The following MAST2 variants were observed in gnomAD, a reference collection of about 807,000 sequenced individuals.
MAST2 encodes the protein microtubule-associated serine/threonine-protein kinase 2.
A neutral mutation model predicts 147.4 loss-of-function variants in MAST2; 70 were observed. That is an observed-to-expected ratio of 0.47 (90% CI 0.39 to 0.58). The LOEUF (loss-of-function observed/expected upper bound fraction) is 0.58. Among genes scored for constraint, MAST2 ranks in the 20% least tolerant of loss-of-function variants. The probability of loss-of-function intolerance (pLI) is 0.00; values close to 1 mark genes in which losing one functional copy is unlikely to be tolerated. For missense variants in MAST2, 2,080 were observed against 2,302.3 expected, an observed-to-expected ratio of 0.90 and a Z score of 1.98; for synonymous variants, 869 against 896.8, an observed-to-expected ratio of 0.97 and a Z score of 0.55.
chr1:45,987,776 G>GTTTTTTTT (rs1644692974), intron 5 of MAST2, among the ~76,000 whole-genome samples: 9 of 30,692 alleles, frequency 2.9e-4, no homozygotes, highest in South Asian at 1.3e-3. Flanking sequence ...TTTTTTTTTT[G>GTTTTTTTT]ATTTTTTTTT....
At chr1:45,868,677 T>A (rs868392380) in intron 3 of MAST2, among the ~76,000 whole-genome samples, 1 of 152,170 alleles carries the variant, frequency 6.6e-6, no homozygotes. Context: ...GCCTTGGGAC[T>A]TTTTTTATTT....
intron 7 of MAST2, 35 bp downstream of exon 7, chr1:46,002,918 C>A: frequency 6.3e-7 from 1 of 1,574,810 alleles, no homozygotes; most frequent in Non-Finnish European, 8.7e-7. Context: ...ACTTCCTTCA[C>A]CCTAAGGAAG....
At chr1:45,918,796 T>C (rs1333040268) in intron 4 of MAST2, among the ~76,000 whole-genome samples, 2 of 152,064 alleles carry the variant, frequency 1.3e-5, no homozygotes, top group Non-Finnish European at 2.9e-5. Context: ...TAAATAAGAA[T>C]GACATGATCT....
chr1:45,818,826 A>G (rs1281887904), intron 1 of MAST2, among the ~76,000 whole-genome samples: 1 of 152,222 alleles, frequency 6.6e-6, no homozygotes, highest in African/African-American at 2.4e-5. Flanking sequence ...TTATTCAAAA[A>G]TTGCTCATAT....
At chr1:46,025,274 A>C (rs936979222) in intron 15 of MAST2, among the ~76,000 whole-genome samples, 2 of 152,158 alleles carry the variant, frequency 1.3e-5, no homozygotes, top group Non-Finnish European at 2.9e-5. Flanking sequence ...AGCTGATATC[A>C]CACCACTGCA....
At position 45,803,775 on chromosome 1, in the gene MAST2, T is replaced by A; in HGVS notation, c.-121T>A. 2.8e-6 allele frequency: 1 copy of A among 352,860 alleles called. No individual in the cohort carries two copies. The highest frequency in any genetic ancestry group is 5.1e-6 in the Non-Finnish European group (1 of 197,730). The allele number at this position is 352,860 out of a possible 1,614,324, so 21.9% of individuals were successfully genotyped here. On this transcript the variant is annotated 5_prime_UTR_variant, in exon 1 of 29. Coordinates refer to ENST00000361297, the MANE Select transcript of MAST2 (RefSeq NM_015112.3). ...GGCGCCGCGGGCTGGGGTCGGTGGC[T>A]TAGGGAGCCCGTCCGGCCATGGTGG...
intron 4 of MAST2, among the ~76,000 whole-genome samples, chr1:45,936,110 C>T (rs950617902): frequency 6.6e-6 from 1 of 152,094 alleles, no homozygotes; most frequent in East Asian, 1.9e-4. Context: ...GATCTTTCAC[C>T]TCCCTCTTTA....
At chr1:46,003,804 C>T (rs1645370696) in intron 7 of MAST2, among the ~76,000 whole-genome samples, 1 of 152,096 alleles carries the variant, frequency 6.6e-6, no homozygotes, top group Admixed American at 6.6e-5. Context: ...ACAAGGTTGG[C>T]CAACTTTTTC....
intron 3 of MAST2, among the ~76,000 whole-genome samples, chr1:45,841,379 T>TAGTAGCTG (rs1408634309): frequency 5.3e-5 from 8 of 152,012 alleles, no homozygotes; most frequent in Admixed American, 4.6e-4. Context: ...AAATAGTTAT[T>TAGTAGCTG]AGTAGCTGTG....
In MAST2 at chr1:46,028,728, G is replaced by T. The variant is rs371362863; in HGVS notation, c.2053-40G>T. On this transcript the variant is annotated intron_variant, in intron 17 of 28. Transcript: ENST00000361297. ...TCTCCGGCTGTCATGCCAGTCAGCA[G>T]CCTCAGGAGGCTGAGCCAGCCTGGC... is the stretch of plus-strand genomic sequence containing the variant. The T allele has an allele frequency of 3.7e-6, 6 of 1,611,702 alleles. No individual in the cohort carries two copies. The African/African-American group carries it at 6.7e-5, about 18-fold the overall frequency.
At chr1:45,817,797 C>G (rs958334092) in intron 1 of MAST2, among the ~76,000 whole-genome samples, 1 of 152,168 alleles carries the variant, frequency 6.6e-6, no homozygotes, top group Non-Finnish European at 1.5e-5. Context: ...TAGGTTGTTG[C>G]AAAAGTAATT....
intron 7 of MAST2, among the ~76,000 whole-genome samples, chr1:46,005,327 A>C (rs1571171700): frequency 1.3e-5 from 2 of 150,936 alleles, no homozygotes. Flanking sequence ...GTGCCATTGC[A>C]CTCCAGCCTG....
At position 46,006,884 on chromosome 1, in the gene MAST2, A is replaced by G. The variant is rs1483542676; in HGVS notation, c.902+489A>G. 1.3e-5 allele frequency among the ~76,000 whole-genome samples: 2 copies of G among 152,234 alleles called. 1 individual carries two copies. Among genetic ancestry groups the G allele is most frequent in the Non-Finnish European group, 2.9e-5 (2 of 68,034 alleles). Reference sequence around the variant, plus strand: ...AATTCTGATGGTTATCTGGCTCCAGAACCCATTGGCCCTGGGTGTATGATC... The same window carrying G: ...AATTCTGATGGTTATCTGGCTCCAGGACCCATTGGCCCTGGGTGTATGATC... On this transcript the variant is annotated intron_variant, in intron 8 of 28. Coordinates refer to ENST00000361297, the MANE Select transcript of MAST2 (RefSeq NM_015112.3).
At chr1:46,018,414 G>A (rs764863309) in intron 10 of MAST2, among the ~76,000 whole-genome samples, 7 of 152,072 alleles carry the variant, frequency 4.6e-5, no homozygotes, top group African/African-American at 1.2e-4. Flanking sequence ...TTGGTTGCAC[G>A]TAATAGAAAC....
At chr1:45,846,790 A>G (rs1156940586) in intron 3 of MAST2, among the ~76,000 whole-genome samples, 1 of 151,448 alleles carries the variant, frequency 6.6e-6, no homozygotes, top group Admixed American at 6.6e-5. Flanking sequence ...ATGCCACTGC[A>G]CTCCAGCCCA....
intron 10 of MAST2, among the ~76,000 whole-genome samples, chr1:46,017,624 TCTCAC>T (rs1646010705): frequency 6.6e-6 from 1 of 151,846 alleles, no homozygotes; most frequent in Non-Finnish European, 1.5e-5. Context: ...TGAGATACCA[TCTCAC>T]ACCAGTTAGA....
chr1:45,952,767 G>A (rs1659113606), intron 4 of MAST2, among the ~76,000 whole-genome samples: 1 of 152,072 alleles, frequency 6.6e-6, no homozygotes, highest in Non-Finnish European at 1.5e-5. Flanking sequence ...ACCAAAAAAA[G>A]CCATTTTCAG....
chr1:45,853,728 A>G (rs758154064), intron 3 of MAST2, among the ~76,000 whole-genome samples: 7 of 151,122 alleles, frequency 4.6e-5, no homozygotes, highest in Non-Finnish European at 7.4e-5. Context: ...TTTTTTTTTC[A>G]ATCAGCTTTC....
intron 5 of MAST2, among the ~76,000 whole-genome samples, chr1:45,996,427 G>A (rs1029323859): frequency 1.3e-5 from 2 of 152,046 alleles, no homozygotes; most frequent in Non-Finnish European, 2.9e-5. Context: ...TTAAGTCCTG[G>A]CTAAGGAAAC....
Sources: allele counts gnomAD v4.1 joint callset (sites outside exome capture counted in the v4.1 genomes callset), GRCh38; gene constraint gnomAD v4.1.1; transcripts MANE v1.5; gene names NCBI Gene and HGNC (gene_info 2026-07-23, HGNC 2026-07-21).